Variants in SLC1A1 observed in about 807,000 individuals in gnomAD.
SLC1A1 encodes the protein solute carrier family 1 member 1, also known as excitatory amino acid transporter 3.
Under a neutral mutation model 53.3 loss-of-function variants are expected in SLC1A1, and 43 were observed. That is an observed-to-expected ratio of 0.81 (90% confidence interval 0.63 to 1.04). SLC1A1 has a LOEUF of 1.04. Ranked by LOEUF, SLC1A1 falls within the 50% of genes least tolerant of loss-of-function variation. The pLI is 0.00. For synonymous variants in SLC1A1, 307 were observed against 243.2 expected, an observed-to-expected ratio of 1.26 and a Z score of -2.44; for missense variants, 748 against 664.9, an observed-to-expected ratio of 1.12 and a Z score of -1.37.
At position 4,537,817 on chromosome 9, in the gene SLC1A1, G is replaced by A. The variant is rs114599835; in HGVS notation, c.92-6750G>A. On this transcript the variant is annotated intron_variant, in intron 1 of 11. Coordinates refer to ENST00000262352, the MANE Select transcript of SLC1A1 (RefSeq NM_004170.6). The stretch of plus-strand genomic sequence containing the variant: ...ACTAACAGGTGTGGAATTTTGGGGG[G>A]GTAATGGAAATACTGGAACTAGACA... 4.5e-3 allele frequency among the ~76,000 whole-genome samples: 678 copies of A among 151,812 alleles called. 6 individuals carry two copies. Among genetic ancestry groups the A allele is most frequent in the African/African-American group, 0.015 (641 of 41,386 alleles).
chr9:4,577,087 T>C (rs530373534), intron 10 of SLC1A1, among the ~76,000 whole-genome samples: 1 of 152,206 alleles, frequency 6.6e-6, no homozygotes, highest in African/African-American at 2.4e-5. Context: ...CATATCCAAA[T>C]GAATGCTGAA....
intron 1 of SLC1A1, among the ~76,000 whole-genome samples, chr9:4,512,011 T>C (rs529238800): frequency 5.9e-5 from 9 of 152,310 alleles, no homozygotes; most frequent in Admixed American, 3.3e-4. Context: ...AAAATATATA[T>C]AGGATCTATA....
intron 1 of SLC1A1, among the ~76,000 whole-genome samples, chr9:4,543,008 T>C (rs956253392): frequency 2.6e-5 from 4 of 152,102 alleles, no homozygotes; most frequent in Non-Finnish European, 2.9e-5. Context: ...ATGCACAAAA[T>C]AGAGATCAAG....
chr9:4,508,349 G>A (rs1359347798), intron 1 of SLC1A1, among the ~76,000 whole-genome samples: 1 of 152,192 alleles, frequency 6.6e-6, no homozygotes, highest in Non-Finnish European at 1.5e-5. Context: ...GTGGGAGAGT[G>A]AGAGTCTGGT....
At chr9:4,515,925 G>A (rs1322863980) in intron 1 of SLC1A1, among the ~76,000 whole-genome samples, 1 of 152,100 alleles carries the variant, frequency 6.6e-6, no homozygotes, top group African/African-American at 2.4e-5. Flanking sequence ...CCTCTTCCCA[G>A]TTAGCTATGT....
At chr9:4,535,371 A>G (rs1816635512) in intron 1 of SLC1A1, among the ~76,000 whole-genome samples, 1 of 152,196 alleles carries the variant, frequency 6.6e-6, no homozygotes, top group African/African-American at 2.4e-5. Flanking sequence ...TCAGGATACA[A>G]AATCAATGTG....
intron 1 of SLC1A1, among the ~76,000 whole-genome samples, chr9:4,525,079 A>C (rs373787557): frequency 6.6e-6 from 1 of 152,180 alleles, no homozygotes; most frequent in Non-Finnish European, 1.5e-5. Context: ...TAATATCCAC[A>C]TGGGGAAAAG....
rs577010465 is a variant in SLC1A1, at chr9:4,540,933, G to A, written c.92-3634G>A. Among the ~76,000 whole-genome samples the A allele has an allele frequency of 3.3e-5, 5 of 152,280 alleles. No homozygotes were observed. In the South Asian group the frequency reaches 1.0e-3, roughly 32 times the overall value. On this transcript the variant is annotated intron_variant, in intron 1 of 11. Coordinates refer to ENST00000262352, the MANE Select transcript of SLC1A1 (RefSeq NM_004170.6). ...GAAAATAGGAGAAGTTAAAGTTATG[G>A]CCCAGGTTCCACACCTCACAATTGG...
chr9:4,551,805 C>G (rs939176576), intron 2 of SLC1A1, among the ~76,000 whole-genome samples: 1 of 152,174 alleles, frequency 6.6e-6, no homozygotes, highest in African/African-American at 2.4e-5. Context: ...GCTCCTTTCC[C>G]TAAGATTATC....
At chr9:4,561,972 G>A (rs1319398278) in intron 3 of SLC1A1, among the ~76,000 whole-genome samples, 2 of 151,896 alleles carry the variant, frequency 1.3e-5, no homozygotes, top group African/African-American at 4.8e-5. Flanking sequence ...TGCCCAGGCT[G>A]GTCTTGAACT....
At chr9:4,517,916 T>C (rs1487346820) in intron 1 of SLC1A1, among the ~76,000 whole-genome samples, 1 of 152,066 alleles carries the variant, frequency 6.6e-6, no homozygotes, top group Non-Finnish European at 1.5e-5. Flanking sequence ...TTGAAATGTA[T>C]TTCAACCCTA....
chr9:4,567,746 C>G lies in SLC1A1; in HGVS notation c.561C>G (p.Val187=). The change falls in exon 6 of 12, where the codon GTC becomes GTG. Residue 187 remains valine, a synonymous_variant. Coordinates refer to ENST00000262352, the MANE Select transcript of SLC1A1 (RefSeq NM_004170.6). ...MNMTEESFTA[V]MTTAISKNKT... ...TGACAGAAGAGTCCTTCACAGCTGT[C>G]ATGACAACTGCAATTTCCAAGGTAC... The G allele has an allele frequency of 6.2e-7, 1 of 1,609,794 alleles. No homozygotes were observed. Among genetic ancestry groups the G allele is most frequent in the Non-Finnish European group, 8.5e-7 (1 of 1,176,264 alleles).
intron 6 of SLC1A1, among the ~76,000 whole-genome samples, chr9:4,571,268 A>C (rs1820014151): frequency 6.6e-6 from 1 of 152,200 alleles, no homozygotes; most frequent in African/African-American, 2.4e-5. Flanking sequence ...GATCAGGAAA[A>C]ATAATTAATG....
intron 1 of SLC1A1, among the ~76,000 whole-genome samples, chr9:4,536,051 G>A (rs1175585589): frequency 6.6e-6 from 1 of 152,144 alleles, no homozygotes; most frequent in Non-Finnish European, 1.5e-5. Flanking sequence ...ATACAAGATG[G>A]ATGAAAGACT....
In SLC1A1 at chr9:4,502,800, C is replaced by A. The variant is rs950387816; in HGVS notation, c.91+12030C>A. Among the ~76,000 whole-genome samples the A allele has an allele frequency of 3.3e-5, 5 of 151,764 alleles. 1 individual carries two copies. Among genetic ancestry groups the A allele is most frequent in the African/African-American group, 1.2e-4 (5 of 41,052 alleles). On this transcript the variant is annotated intron_variant, in intron 1 of 11. Coordinates refer to ENST00000262352, the MANE Select transcript of SLC1A1 (RefSeq NM_004170.6). The stretch of plus-strand genomic sequence containing the variant: ...TACTTGGAGACAGGCTTCTTTCTTG[C>A]AAAGTGGCCAAATAAAGCCTATTCT...
At chr9:4,500,675 A>C (rs1467163772) in intron 1 of SLC1A1, among the ~76,000 whole-genome samples, 1 of 152,164 alleles carries the variant, frequency 6.6e-6, no homozygotes, top group Non-Finnish European at 1.5e-5. Context: ...AAACTGCAAC[A>C]AAGAGTACTC....
chr9:4,533,857 G>A (rs4517184), intron 1 of SLC1A1, among the ~76,000 whole-genome samples: 4,568 of 152,142 alleles, frequency 0.03, 196 homozygotes, highest in Admixed American at 0.082. Flanking sequence ...ATAACAAACT[G>A]TCTCTCAGAC....
At chr9:4,503,164 C>T (rs752331807) in intron 1 of SLC1A1, among the ~76,000 whole-genome samples, 7 of 151,766 alleles carry the variant, frequency 4.6e-5, no homozygotes, top group East Asian at 1.9e-4. Context: ...ACCATTCCCA[C>T]GTCTGTTCTG....
Position 4,585,648 on chromosome 9 carries a change from G to A in SLC1A1, c.*90G>A. Reference sequence around the variant, plus strand: ...GCTTAAGGAAAAGAGAAACACTAATGGCCAAGTGTACATTTGATTTGATAT... The same window carrying A: ...GCTTAAGGAAAAGAGAAACACTAATAGCCAAGTGTACATTTGATTTGATAT... On this transcript the variant is annotated 3_prime_UTR_variant, in exon 12 of 12. Coordinates refer to ENST00000262352, the MANE Select transcript of SLC1A1 (RefSeq NM_004170.6). The A allele has an allele frequency of 1.4e-6, 2 of 1,465,506 alleles. No individual in the cohort carries two copies. Among genetic ancestry groups the A allele is most frequent in the Non-Finnish European group, 1.9e-6 (2 of 1,048,464 alleles). 90.8% of individuals were successfully genotyped at this position (1,465,506 alleles called of 1,614,324 possible). A position where few individuals can be genotyped will look rare whatever the true frequency, so the allele number is the denominator to read the frequency against.
Sources: allele counts gnomAD v4.1 joint callset (sites outside exome capture counted in the v4.1 genomes callset), GRCh38; gene constraint gnomAD v4.1.1; transcripts MANE v1.5; gene names NCBI Gene and HGNC (gene_info 2026-07-23, HGNC 2026-07-21).